The following PTCHD4 variants were observed in gnomAD, a reference collection of about 807,000 sequenced individuals.
The protein encoded by PTCHD4 is patched domain containing 4.
Under a neutral mutation model 58.1 loss-of-function variants are expected in PTCHD4, and 33 were observed. The ratio of observed to expected loss-of-function variants is 0.57; its 90% CI spans 0.43 to 0.76. The LOEUF (loss-of-function observed/expected upper bound fraction) is 0.76, where lower values mean the gene tolerates loss of function less well. Among genes scored for constraint, PTCHD4 ranks in the 30% least tolerant of loss-of-function variants. The pLI is 0.00. For synonymous variants in PTCHD4, 478 were observed against 409.6 expected (o/e 1.17, Z -2.02); for missense variants, 1,058 against 1,027.1 (o/e 1.03, Z -0.41).
In PTCHD4 at chr6:47,941,491, G is replaced by A. The variant is rs1171782774; in HGVS notation, c.899-61555C>T. 7.9e-5 allele frequency among the ~76,000 whole-genome samples: 12 copies of A among 152,176 alleles called. No individual in the cohort carries two copies. In the South Asian group the frequency reaches 2.3e-3, roughly 29 times the overall value. On this transcript the variant is annotated intron_variant, in intron 4 of 4. Coordinates refer to ENST00000339488, the MANE Select transcript of PTCHD4 (RefSeq NM_001384253.1). Reference sequence around the variant, plus strand: ...ACAGAACTTGACATAGTTAAATTATGTGGGAGAATATGAGTTGGGAGACAG... The same window carrying A: ...ACAGAACTTGACATAGTTAAATTATATGGGAGAATATGAGTTGGGAGACAG...
Position 47,859,986 on chromosome 6 carries a change from C to T in PTCHD4, c.*18317G>A, listed in dbSNP as rs1763385834. Among the ~76,000 whole-genome samples the T allele has an allele frequency of 6.6e-6, 1 of 151,916 alleles. No individual in the cohort carries two copies. The highest frequency in any genetic ancestry group is 1.5e-5 in the Non-Finnish European group (1 of 67,954). ...GGGAACAGACTGGGTGGGGCTTCCC[C>T]TCTTTCGTGAATCTCCCACCCAAGT... On this transcript the variant is annotated 3_prime_UTR_variant, in exon 5 of 5. Transcript: ENST00000339488.
At position 47,872,874 on chromosome 6, in the gene PTCHD4, T is replaced by C. The variant is rs943900111; in HGVS notation, c.*5429A>G. Among the ~76,000 whole-genome samples, 2 of 151,634 alleles carry C rather than the reference T, an allele frequency of 1.3e-5. No homozygotes were observed. Among genetic ancestry groups the C allele is most frequent in the African/African-American group, 4.8e-5 (2 of 41,364 alleles). ...CCCTATATATTGCTCTTTTGAGTTG[T>C]TTTCCGTTTTATAAGAAAAGCAAGT... On this transcript the variant is annotated 3_prime_UTR_variant, in exon 5 of 5. Coordinates refer to ENST00000339488, the MANE Select transcript of PTCHD4 (RefSeq NM_001384253.1).
At chr6:47,974,037 A>G (rs1581958163) in intron 4 of PTCHD4, among the ~76,000 whole-genome samples, 1 of 152,208 alleles carries the variant, frequency 6.6e-6, no homozygotes, top group South Asian at 2.1e-4. Context: ...GACGACGGGC[A>G]ATACAATTAA....
At chr6:48,110,230 G>A (rs1765837669) in intron 1 of PTCHD4, among the ~76,000 whole-genome samples, 1 of 152,080 alleles carries the variant, frequency 6.6e-6, no homozygotes, top group South Asian at 2.1e-4. Flanking sequence ...ACACATGAAT[G>A]GATTTTAAAA....
chr6:47,992,655 T>C (rs1211997291), intron 4 of PTCHD4, among the ~76,000 whole-genome samples: 1 of 152,206 alleles, frequency 6.6e-6, no homozygotes, highest in Non-Finnish European at 1.5e-5. Flanking sequence ...ATTTGATATC[T>C]CTGTATATAT....
rs370465085 is a variant in PTCHD4, at chr6:48,069,519, C to G, written c.-562G>C. 3.9e-5 allele frequency among the ~76,000 whole-genome samples: 6 copies of G among 152,162 alleles called. No individual in the cohort carries two copies. Among genetic ancestry groups the G allele is most frequent in the South Asian group, 4.1e-4 (2 of 4,824 alleles). ...GCATGCAAGGGATTTCCTCGCAACA[C>G]CTTCCTCGCTGTGATTCCACAGACC... On this transcript the variant is annotated 5_prime_UTR_variant, in exon 2 of 5. Coordinates refer to ENST00000339488, the MANE Select transcript of PTCHD4 (RefSeq NM_001384253.1).
At chr6:47,940,723 T>C (rs146465390) in intron 4 of PTCHD4, among the ~76,000 whole-genome samples, 407 of 152,264 alleles carry the variant, frequency 2.7e-3, no homozygotes, top group African/African-American at 9.3e-3. Flanking sequence ...TCACCCAGAG[T>C]ATAAGATATG....
At chr6:47,956,243 T>G (rs1325059338) in intron 4 of PTCHD4, among the ~76,000 whole-genome samples, 2 of 152,184 alleles carry the variant, frequency 1.3e-5, no homozygotes, top group Non-Finnish European at 2.9e-5. Context: ...ATAACTAATA[T>G]TTAGTCAGTG....
chr6:48,067,034 A>T (rs1464823030), intron 3 of PTCHD4, among the ~76,000 whole-genome samples: 1 of 152,106 alleles, frequency 6.6e-6, no homozygotes, highest in Non-Finnish European at 1.5e-5. Context: ...ATGCACACAC[A>T]TATCTTCACA....
chr6:47,928,933 G>T (rs1765719525), intron 4 of PTCHD4, among the ~76,000 whole-genome samples: 1 of 152,088 alleles, frequency 6.6e-6, no homozygotes, highest in Admixed American at 6.6e-5. Flanking sequence ...AGCAATCATG[G>T]ATTTTCCACA....
Position 48,102,578 on chromosome 6 carries a change from C to T in PTCHD4, c.-970+8471G>A, listed in dbSNP as rs186919396. The stretch of plus-strand genomic sequence containing the variant: ...ATTTCTGCATTTCCAACTGAGGTAC[C>T]GGGTTCATCTCACAGGGGAGTGCCG... On this transcript the variant is annotated intron_variant, in intron 1 of 4. Coordinates refer to ENST00000339488, the MANE Select transcript of PTCHD4 (RefSeq NM_001384253.1). Among the ~76,000 whole-genome samples the T allele has an allele frequency of 1.9e-3, 292 of 152,284 alleles. 2 individuals carry two copies. The highest frequency in any genetic ancestry group is 0.017 in the South Asian group (82 of 4,822).
At chr6:48,067,078 A>C (rs1298177262) in intron 3 of PTCHD4, among the ~76,000 whole-genome samples, 1 of 152,158 alleles carries the variant, frequency 6.6e-6, no homozygotes, top group African/African-American at 2.4e-5. Context: ...CTTTGGAAAC[A>C]CCTGTCTTGG....
chr6:48,103,303 G>T (rs928374673), intron 1 of PTCHD4, among the ~76,000 whole-genome samples: 14 of 152,154 alleles, frequency 9.2e-5, no homozygotes, highest in African/African-American at 1.4e-4. Flanking sequence ...ACCAATATCC[G>T]CTGTTCTGCA....
chr6:48,081,789 T>C (rs1765173004), intron 1 of PTCHD4, among the ~76,000 whole-genome samples: 1 of 152,176 alleles, frequency 6.6e-6, no homozygotes, highest in Non-Finnish European at 1.5e-5. Context: ...AAATTTATGA[T>C]AGTCAGCAGA....
At chr6:48,014,227 A>C (rs1762790600) in intron 3 of PTCHD4, among the ~76,000 whole-genome samples, 2 of 152,188 alleles carry the variant, frequency 1.3e-5, no homozygotes, top group Admixed American at 1.3e-4. Context: ...AGTTGGCCCA[A>C]AAATCCAACT....
At chr6:47,989,105 C>T (rs1768189479) in intron 4 of PTCHD4, among the ~76,000 whole-genome samples, 1 of 152,156 alleles carries the variant, frequency 6.6e-6, no homozygotes, top group African/African-American at 2.4e-5. Flanking sequence ...GCAAAGGTGA[C>T]TCTTGTTATG....
intron 4 of PTCHD4, among the ~76,000 whole-genome samples, chr6:47,913,937 A>G (rs1765150083): frequency 6.6e-6 from 1 of 152,056 alleles, no homozygotes; most frequent in Admixed American, 6.6e-5. Flanking sequence ...ATATTAGCAC[A>G]CTCTGTATCC....
intron 3 of PTCHD4, among the ~76,000 whole-genome samples, chr6:48,044,925 G>A (rs534604671): frequency 4.6e-5 from 7 of 151,874 alleles, no homozygotes; most frequent in African/African-American, 1.7e-4. Context: ...TTTGCAAGCC[G>A]AATTTATATC....
intron 3 of PTCHD4, among the ~76,000 whole-genome samples, chr6:48,010,965 A>G (rs563605517): frequency 6.6e-6 from 1 of 152,270 alleles, no homozygotes; most frequent in South Asian, 2.1e-4. Context: ...CATTTTCTTT[A>G]TCCAACCTAT....
Sources: allele counts gnomAD v4.1 joint callset (sites outside exome capture counted in the v4.1 genomes callset), GRCh38; gene constraint gnomAD v4.1.1; transcripts MANE v1.5; gene names NCBI Gene and HGNC (gene_info 2026-07-23, HGNC 2026-07-21).